The following GPC5 variants were observed in gnomAD, a reference collection of about 807,000 sequenced individuals.
GPC5 encodes glypican-5.
Under a neutral mutation model 53.9 loss-of-function variants are expected in GPC5, and 47 were observed. That is an observed-to-expected ratio of 0.87 (90% confidence interval 0.69 to 1.11). GPC5 has a LOEUF of 1.11. GPC5 is among the 50% of genes most tolerant of loss of function. The pLI is 0.00. For missense variants in GPC5, 748 were observed against 713.1 expected (o/e 1.05, Z -0.56); for synonymous variants, 286 against 263.3 (o/e 1.09, Z -0.84).
intron 7 of GPC5, among the ~76,000 whole-genome samples, chr13:92,593,102 G>A (rs1883766451): frequency 6.6e-6 from 1 of 151,242 alleles, no homozygotes; most frequent in Non-Finnish European, 1.5e-5. Flanking sequence ...AGACACAGCA[G>A]ATCAGAGAGA....
intron 6 of GPC5, among the ~76,000 whole-genome samples, chr13:91,962,245 C>A (rs1255884193): frequency 2.0e-5 from 3 of 152,050 alleles, no homozygotes; most frequent in Admixed American, 1.3e-4. Context: ...TAGAAAATGC[C>A]AAAATGATAA....
chr13:92,395,908 T>G (rs8000739), intron 7 of GPC5, among the ~76,000 whole-genome samples: 84,193 of 139,116 alleles, frequency 0.61, 24,259 homozygotes, highest in African/African-American at 0.68. Context: ...TTTGTTTCTG[T>G]TTTTTTTTTT....
At chr13:91,884,217 T>G (rs1342983933) in intron 5 of GPC5, among the ~76,000 whole-genome samples, 1 of 152,164 alleles carries the variant, frequency 6.6e-6, no homozygotes, top group East Asian at 1.9e-4. Context: ...AAAAGAGAAC[T>G]ACCATTCCAA....
chr13:92,493,649 G>GT (rs1566614845), intron 7 of GPC5, among the ~76,000 whole-genome samples: 2 of 152,186 alleles, frequency 1.3e-5, no homozygotes, highest in Non-Finnish European at 2.9e-5. Context: ...TCAGAGTTCA[G>GT]TAATTCCTAA....
intron 6 of GPC5, among the ~76,000 whole-genome samples, chr13:92,070,721 A>G (rs2041204375): frequency 1.3e-5 from 2 of 152,170 alleles, no homozygotes; most frequent in South Asian, 4.1e-4. Flanking sequence ...ATCTTAAAAC[A>G]TCCATTTTTT....
chr13:92,662,365 C>T (rs1397581632), intron 7 of GPC5, among the ~76,000 whole-genome samples: 2 of 152,172 alleles, frequency 1.3e-5, no homozygotes, highest in East Asian at 1.9e-4. Context: ...TTCGTCACCA[C>T]GGCAGTTTTC....
chr13:92,101,327 A>G (rs1415555776), intron 6 of GPC5, among the ~76,000 whole-genome samples: 1 of 152,282 alleles, frequency 6.6e-6, no homozygotes, highest in Non-Finnish European at 1.5e-5. Context: ...TTATTTTCCA[A>G]TGAAAGGTGA....
chr13:92,812,082 C>T (rs574224394), intron 7 of GPC5, among the ~76,000 whole-genome samples: 4 of 151,980 alleles, frequency 2.6e-5, no homozygotes, highest in East Asian at 3.9e-4. Flanking sequence ...TTTGTGGACC[C>T]ATCTGAATTT....
intron 2 of GPC5, among the ~76,000 whole-genome samples, chr13:91,684,305 A>T (rs1475890172): frequency 6.6e-6 from 1 of 152,018 alleles, no homozygotes; most frequent in African/African-American, 2.4e-5. Flanking sequence ...TTTTCCTGAG[A>T]CTCCAATTAT....
At chr13:91,529,533 G>A (rs758841744) in intron 2 of GPC5, among the ~76,000 whole-genome samples, 21 of 152,120 alleles carry the variant, frequency 1.4e-4, no homozygotes, top group East Asian at 3.9e-4. Context: ...TATATACCTC[G>A]TATGGGTGTT....
intron 7 of GPC5, among the ~76,000 whole-genome samples, chr13:92,369,420 C>T (rs1430855155): frequency 6.6e-6 from 1 of 152,192 alleles, no homozygotes; most frequent in African/African-American, 2.4e-5. Context: ...TCAAGTGATC[C>T]TCCCACCAGG....
At chr13:92,838,773 T>A (rs1878315435) in intron 7 of GPC5, among the ~76,000 whole-genome samples, 2 of 152,166 alleles carry the variant, frequency 1.3e-5, no homozygotes, top group South Asian at 4.1e-4. Context: ...ATTGAGCCTA[T>A]TTTTAAAAAT....
intron 7 of GPC5, among the ~76,000 whole-genome samples, chr13:92,209,806 A>G (rs1593998105): frequency 6.6e-6 from 1 of 152,276 alleles, no homozygotes; most frequent in Non-Finnish European, 1.5e-5. Context: ...ATATATATAT[A>G]AAGGGGAGTT....
chr13:91,681,055 C>A (rs1216375850), intron 2 of GPC5, among the ~76,000 whole-genome samples: 1 of 151,952 alleles, frequency 6.6e-6, no homozygotes, highest in Non-Finnish European at 1.5e-5. Flanking sequence ...GTGTAGCCCA[C>A]CGCAATACAA....
chr13:92,002,964 G>C (rs560498080), intron 6 of GPC5, among the ~76,000 whole-genome samples: 13 of 152,104 alleles, frequency 8.5e-5, no homozygotes, highest in Non-Finnish European at 1.8e-4. Flanking sequence ...CATTTAAATG[G>C]AAGAGTAGGA....
chr13:92,119,882 C>T (rs73626585), intron 6 of GPC5, among the ~76,000 whole-genome samples: 2,671 of 151,916 alleles, frequency 0.018, 82 homozygotes, highest in African/African-American at 0.06. Context: ...CATATAAGAG[C>T]GCTCAATAGA....
chr13:92,602,156 CACTA>C (rs1351086828), intron 7 of GPC5, among the ~76,000 whole-genome samples: 2 of 142,882 alleles, frequency 1.4e-5, no homozygotes, highest in African/African-American at 2.6e-5. Context: ...TATATATACA[CACTA>C]TATACAAATA....
At chr13:92,472,218 G>A (rs115762242) in intron 7 of GPC5, among the ~76,000 whole-genome samples, 2,273 of 152,088 alleles carry the variant, frequency 0.015, 51 homozygotes, top group African/African-American at 0.051. Context: ...CCCTTAAAAT[G>A]AGTAGAATAA....
chr13:92,274,616 T>G lies in GPC5; in HGVS notation c.1561+129627T>G, dbSNP rs1424058807. Among the ~76,000 whole-genome samples, 5 of 152,226 alleles carry G rather than the reference T, an allele frequency of 3.3e-5. 1 individual carries two copies. The East Asian group carries it at 9.7e-4, about 29-fold the overall frequency. ...TCCAGGATCTCTCAGAAGGTTGCAA[T>G]CAAGGTGTCAGTAACAGCTGGGATT... On this transcript the variant is annotated intron_variant, in intron 7 of 7. Transcript: ENST00000377067.
Sources: allele counts gnomAD v4.1 joint callset (sites outside exome capture counted in the v4.1 genomes callset), GRCh38; gene constraint gnomAD v4.1.1; transcripts MANE v1.5; gene names NCBI Gene and HGNC (gene_info 2026-07-23, HGNC 2026-07-21).